STIM1: variants seen among roughly 807,000 people sequenced by gnomAD.
STIM1 encodes stromal interaction molecule 1.
Under a neutral mutation model 74.7 loss-of-function variants are expected in STIM1, and 25 were observed. The observed-to-expected ratio is 0.33, with a 90% CI of 0.24 to 0.47. STIM1 has a LOEUF of 0.47. Ranked by LOEUF, STIM1 falls within the 20% of genes least tolerant of loss-of-function variation. The pLI is 1.00. For missense variants in STIM1, 728 were observed against 920.8 expected, an observed-to-expected ratio of 0.79 and a Z score of 2.71; for synonymous variants, 328 against 348.8, an observed-to-expected ratio of 0.94 and a Z score of 0.66.
At chr11:3,890,297 G>C (rs1396298226) in intron 1 of STIM1, among the ~76,000 whole-genome samples, 1 of 152,178 alleles carries the variant, frequency 6.6e-6, no homozygotes, top group Non-Finnish European at 1.5e-5. Flanking sequence ...TTCCAAATCT[G>C]TGATTTCTGT....
At position 3,856,249 on chromosome 11, in the gene STIM1, A is replaced by G. The variant is rs200899156; in HGVS notation, c.-22A>G. The G allele has an allele frequency of 1.2e-6, 2 of 1,613,828 alleles. No homozygotes were observed. Among genetic ancestry groups the G allele is most frequent in the South Asian group, 2.2e-5 (2 of 91,092 alleles). ...ATCCCGAGGTGTCCACATCAGACGCATGTTGACTGAGACCTAGAGTCATGG... is the reference window on the plus strand; with the variant it reads ...ATCCCGAGGTGTCCACATCAGACGCGTGTTGACTGAGACCTAGAGTCATGG... On this transcript the variant is annotated 5_prime_UTR_variant, in exon 1 of 13. An upstream start codon of the reference 5' UTR is lost. Transcript: ENST00000526596.
At chr11:3,939,042 T>C (rs1294907638) in intron 1 of STIM1, among the ~76,000 whole-genome samples, 3 of 152,238 alleles carry the variant, frequency 2.0e-5, no homozygotes, top group African/African-American at 7.2e-5. Context: ...TGGCCCCAAG[T>C]TGGGCAAAGA....
chr11:3,946,470 C>A (rs1011715934), intron 1 of STIM1, among the ~76,000 whole-genome samples: 1 of 152,064 alleles, frequency 6.6e-6, no homozygotes, highest in Non-Finnish European at 1.5e-5. Flanking sequence ...GATATTTGGC[C>A]TAGGACAAAG....
intron 2 of STIM1, among the ~76,000 whole-genome samples, chr11:4,015,335 TG>T: frequency 6.6e-6 from 1 of 152,348 alleles, no homozygotes; most frequent in Middle Eastern, 3.4e-3. Flanking sequence ...TATGAAATTC[TG>T]GGTTGAAAAT....
intron 1 of STIM1, among the ~76,000 whole-genome samples, chr11:3,942,253 G>A (rs1242886572): frequency 6.6e-6 from 1 of 152,206 alleles, no homozygotes; most frequent in Admixed American, 6.5e-5. Context: ...CCAATGAGCT[G>A]TGCAGAGAAG....
chr11:4,081,830 C>T (rs2094467209), intron 7 of STIM1, among the ~76,000 whole-genome samples: 1 of 152,212 alleles, frequency 6.6e-6, no homozygotes, highest in South Asian at 2.1e-4. Context: ...AGCACAGACC[C>T]TGACTCTTGG....
At chr11:3,954,478 A>G (rs1440875334) in intron 1 of STIM1, among the ~76,000 whole-genome samples, 1 of 152,192 alleles carries the variant, frequency 6.6e-6, no homozygotes, top group Non-Finnish European at 1.5e-5. Context: ...CTTTCAATTT[A>G]GTGGAGAAGA....
At chr11:3,991,687 G>A (rs938351166) in intron 2 of STIM1, among the ~76,000 whole-genome samples, 13 of 151,090 alleles carry the variant, frequency 8.6e-5, no homozygotes, top group Admixed American at 7.2e-4. Context: ...GGTGGCTCAC[G>A]CCTGTAATAC....
At chr11:3,912,751 T>C (rs1026277007) in intron 1 of STIM1, among the ~76,000 whole-genome samples, 1 of 152,208 alleles carries the variant, frequency 6.6e-6, no homozygotes, top group Non-Finnish European at 1.5e-5. Context: ...ATGTGGGCTC[T>C]CTCATTCTTT....
chr11:3,881,091 T>TA (rs1169148093), intron 1 of STIM1, among the ~76,000 whole-genome samples: 17,001 of 130,722 alleles, frequency 0.13, 1,098 homozygotes, highest in Middle Eastern at 0.24. Flanking sequence ...GGCCGTTTAT[T>TA]AAAAAAAAAA....
Position 4,083,332 on chromosome 11 carries a change from C to T in STIM1, c.1308C>T (p.Leu436=). 6.2e-7 allele frequency: 1 copy of T among 1,614,266 alleles called. No individual in the cohort carries two copies. The highest frequency in any genetic ancestry group is 8.5e-7 in the Non-Finnish European group (1 of 1,180,042). The stretch of plus-strand genomic sequence containing the variant: ...ACCGCTGGCAACAGATCGAGATCCT[C>T]TGTGGCTTCCAGATTGTCAACAACC... The part of the protein sequence containing the change: ...RLHRWQQIEI[L]CGFQIVNNPG... Residue 436 remains leucine (L), a synonymous_variant, in exon 10 of 13, where the codon CTC becomes CTT. Transcript: ENST00000526596.
chr11:3,973,063 C>T, intron 2 of STIM1: 1 of 448,512 alleles, frequency 2.2e-6, no homozygotes, highest in South Asian at 1.7e-5. Flanking sequence ...GCTGTAGCCA[C>T]TGCCCTGATT....
At chr11:4,057,869 CAAA>C (rs530122383) in intron 4 of STIM1, among the ~76,000 whole-genome samples, 4 of 58,622 alleles carry the variant, frequency 6.8e-5, no homozygotes, top group Admixed American at 2.0e-4. Flanking sequence ...GACTCCGTCT[CAAA>C]AAAAAAAAAA....
intron 1 of STIM1, among the ~76,000 whole-genome samples, chr11:3,880,153 T>C (rs2091448315): frequency 6.6e-6 from 1 of 152,190 alleles, no homozygotes; most frequent in African/African-American, 2.4e-5. Flanking sequence ...AGTAAATCAT[T>C]AATCTCTCTG....
At chr11:3,951,122 T>TATTCATTGGTTCGCCA in intron 1 of STIM1, among the ~76,000 whole-genome samples, 1 of 152,310 alleles carries the variant, frequency 6.6e-6, no homozygotes, top group South Asian at 2.1e-4. Flanking sequence ...GGAGCAGGGC[T>TATTCATTGGTTCGCCA]ATGGAGCCTG....
At chr11:4,057,727 A>G (rs960063373) in intron 4 of STIM1, among the ~76,000 whole-genome samples, 3 of 152,070 alleles carry the variant, frequency 2.0e-5, no homozygotes, top group Non-Finnish European at 4.4e-5. Flanking sequence ...AAAATTAGCC[A>G]GGCGTGGTGG....
At chr11:3,953,807 G>C (rs1350449503) in intron 1 of STIM1, among the ~76,000 whole-genome samples, 1 of 138,094 alleles carries the variant, frequency 7.2e-6, no homozygotes. Flanking sequence ...TTTTGAGACA[G>C]GGTCTTGCTC....
intron 2 of STIM1, among the ~76,000 whole-genome samples, chr11:4,019,374 A>G (rs755064378): frequency 6.6e-6 from 1 of 152,126 alleles, no homozygotes; most frequent in African/African-American, 2.4e-5. Flanking sequence ...TAACTGATAC[A>G]TAACAGTTGT....
chr11:4,056,793 C>T (rs1010911896), intron 4 of STIM1, among the ~76,000 whole-genome samples: 1 of 152,210 alleles, frequency 6.6e-6, no homozygotes, highest in African/African-American at 2.4e-5. Flanking sequence ...CATATTATTT[C>T]AGTTGATTCT....
Sources: gnomAD v4.1 joint callset for allele counts (sites outside exome capture counted in the v4.1 genomes callset) on GRCh38, gnomAD v4.1.1 for gene constraint, MANE v1.5 for transcripts, NCBI Gene and HGNC (gene_info 2026-07-23, HGNC 2026-07-21) for gene names.